PLAC1: variants seen among roughly 807,000 people sequenced by gnomAD.
PLAC1 encodes the protein placenta-specific protein 1.
For synonymous variants in PLAC1, 68 were observed against 62.1 expected (o/e 1.09, Z -0.44); for missense variants, 136 against 163.2 (o/e 0.83, Z 0.91).
chrX:134,750,722 C>T (rs1410475952), intron 1 of PLAC1, among the ~76,000 whole-genome samples: 3 of 94,696 alleles, frequency 3.2e-5, no homozygotes, highest in African/African-American at 4.2e-5. Context: ...TTTGGGAGGC[C>T]GAGGCAGGTG....
chrX:134,712,947 C>T (rs944345211), intron 2 of PLAC1, among the ~76,000 whole-genome samples: 1 of 112,117 alleles, frequency 8.9e-6, no homozygotes, highest in African/African-American at 3.2e-5. Context: ...GTAAAGATAA[C>T]CTTGAATCCA....
At chrX:134,650,600 A>G (rs1361384273) in intron 1 of PLAC1, among the ~76,000 whole-genome samples, 1 of 112,173 alleles carries the variant, frequency 8.9e-6, no homozygotes, top group East Asian at 2.8e-4. Flanking sequence ...ACAGCACCCA[A>G]CACAGTGCTT....
chrX:134,582,490 A>G (rs2077979630), intron 2 of PLAC1, among the ~76,000 whole-genome samples: 1 of 111,996 alleles, frequency 8.9e-6, no homozygotes, highest in Admixed American at 9.5e-5. Flanking sequence ...GTTTGTAAAT[A>G]AAATAAGATA....
chrX:134,665,220 C>T (rs965628001), intron 2 of PLAC1, among the ~76,000 whole-genome samples: 2 of 110,989 alleles, frequency 1.8e-5, no homozygotes, highest in Non-Finnish European at 3.8e-5. Flanking sequence ...TCCCTCATGC[C>T]CCTGGTCATT....
chrX:134,764,206 A>T (rs2078778132), intron 1 of PLAC1: 2 of 112,396 alleles, frequency 1.8e-5, no homozygotes, highest in Non-Finnish European at 3.8e-5. Context: ...CATAAGGTAC[A>T]TATTAGGTAT....
intron 1 of PLAC1, among the ~76,000 whole-genome samples, chrX:134,755,350 T>C (rs140443127): frequency 0.023 from 2,590 of 112,766 alleles, 85 homozygotes; most frequent in African/African-American, 0.08. Context: ...ATTTGACAAA[T>C]GTTAATTGAG....
chrX:134,661,132 T>C (rs1412387348), upstream of PLAC1, among the ~76,000 whole-genome samples: 1 of 111,478 alleles, frequency 9.0e-6, no homozygotes, highest in Non-Finnish European at 1.9e-5. Context: ...GGTGTTCTAC[T>C]TCTTTTTGCC....
At chrX:134,639,610 T>A (rs1209347150) in intron 1 of PLAC1, among the ~76,000 whole-genome samples, 2 of 112,301 alleles carry the variant, frequency 1.8e-5, no homozygotes, top group Non-Finnish European at 3.8e-5. Flanking sequence ...AAATTAAACA[T>A]TTTAAACTGA....
At chrX:134,633,483 G>C (rs1488118817) in intron 1 of PLAC1, among the ~76,000 whole-genome samples, 1 of 111,376 alleles carries the variant, frequency 9.0e-6, no homozygotes, top group Non-Finnish European at 1.9e-5. Flanking sequence ...TTTGTTTTTG[G>C]CTTTATTATT....
At chrX:134,668,951 C>T (rs1602893704) in intron 2 of PLAC1, among the ~76,000 whole-genome samples, 1 of 112,424 alleles carries the variant, frequency 8.9e-6, no homozygotes, top group African/African-American at 3.2e-5. Flanking sequence ...GCAGGCCCAG[C>T]GAAAATGGGT....
chrX:134,663,427 AAGATATG>A (rs2078423653), upstream of PLAC1, among the ~76,000 whole-genome samples: 1 of 68,128 alleles, frequency 1.5e-5, no homozygotes, highest in Middle Eastern at 7.9e-3. Context: ...ATTTAAAATA[AAGATATG>A]TGTGTGTGTG....
chrX:134,617,099 G>A (rs1416506708), intron 1 of PLAC1, among the ~76,000 whole-genome samples: 8 of 108,021 alleles, frequency 7.4e-5, no homozygotes, highest in South Asian at 4.1e-4. Flanking sequence ...AGCGATTCTC[G>A]TGCCTCAGCC....
intron 2 of PLAC1, among the ~76,000 whole-genome samples, chrX:134,717,875 CAT>C (rs762893763): frequency 1.8e-5 from 2 of 111,979 alleles, no homozygotes; most frequent in Admixed American, 1.9e-4. Context: ...CTATTTCAAA[CAT>C]GTGAGATTTG....
chrX:134,625,335 G>GA (rs2078231141), intron 1 of PLAC1, among the ~76,000 whole-genome samples: 1 of 112,155 alleles, frequency 8.9e-6, no homozygotes, highest in Non-Finnish European at 1.9e-5. Context: ...TTCTAAGCTA[G>GA]AAAAAACCTG....
chrX:134,684,794 G>C (rs776430191), intron 2 of PLAC1, among the ~76,000 whole-genome samples: 6 of 111,995 alleles, frequency 5.4e-5, no homozygotes, highest in African/African-American at 1.9e-4. Flanking sequence ...ATGGCTGGAG[G>C]GGGGAGATAA....
chrX:134,763,045 A>G (rs1364289402), intron 1 of PLAC1, among the ~76,000 whole-genome samples: 2 of 110,456 alleles, frequency 1.8e-5, no homozygotes, highest in Admixed American at 1.9e-4. Flanking sequence ...CAGAAATTAA[A>G]CCACTGCTAT....
intron 1 of PLAC1, among the ~76,000 whole-genome samples, chrX:134,755,463 A>C (rs1602953431): frequency 8.9e-6 from 1 of 112,195 alleles, no homozygotes; most frequent in Non-Finnish European, 1.9e-5. Flanking sequence ...GACATTAAAC[A>C]ATCACTGTAA....
chrX:134,703,912 A>C (rs1001904434), intron 2 of PLAC1, among the ~76,000 whole-genome samples: 7 of 107,741 alleles, frequency 6.5e-5, no homozygotes, highest in Non-Finnish European at 9.6e-5. Flanking sequence ...CTCTATCTCT[A>C]TCTCTAAATG....
At chrX:134,694,642 G>A (rs980976564) in intron 2 of PLAC1, among the ~76,000 whole-genome samples, 3 of 112,055 alleles carry the variant, frequency 2.7e-5, no homozygotes, top group African/African-American at 9.7e-5. Flanking sequence ...TTCTGAGTAC[G>A]AAGGAAATAT....
Sources: allele counts gnomAD v4.1 joint callset (sites outside exome capture counted in the v4.1 genomes callset), GRCh38; gene constraint gnomAD v4.1.1; transcripts MANE v1.5; gene names NCBI Gene and HGNC (gene_info 2026-07-23, HGNC 2026-07-21).